The following ABCC1 variants were observed in gnomAD, a reference collection of about 807,000 sequenced individuals.
The protein encoded by ABCC1 is ATP binding cassette subfamily C member 1 (ABCC1 blood group).
In ABCC1, 83 loss-of-function variants were observed where a neutral mutation model predicts 172.9. That is an observed-to-expected ratio of 0.48 (90% confidence interval 0.40 to 0.58). The LOEUF is 0.58. Ranked by LOEUF, ABCC1 falls within the 20% of genes least tolerant of loss-of-function variation. The pLI is 0.00. For synonymous variants in ABCC1, 937 were observed against 825.2 expected (o/e 1.14, Z -2.32); for missense variants, 1,817 against 2,002.7 (o/e 0.91, Z 1.77).
chr16:15,982,824 AG>A (rs1555475022), intron 1 of ABCC1, among the ~76,000 whole-genome samples: 1 of 144,834 alleles, frequency 6.9e-6, no homozygotes, highest in African/African-American at 2.6e-5. Context: ...AAAAAAAAAA[AG>A]GAAATCCATT....
chr16:16,061,812 C>T (rs548181872), intron 12 of ABCC1, among the ~76,000 whole-genome samples: 52 of 145,158 alleles, frequency 3.6e-4, no homozygotes, highest in Middle Eastern at 3.6e-3. Context: ...CTCACACTGC[C>T]GCCCAAGCTG....
intron 1 of ABCC1, among the ~76,000 whole-genome samples, chr16:15,959,221 C>G (rs2046073079): frequency 6.6e-6 from 1 of 152,188 alleles, no homozygotes; most frequent in Non-Finnish European, 1.5e-5. Context: ...GCGGCAGTTT[C>G]TTTTTTACTG....
intron 10 of ABCC1, among the ~76,000 whole-genome samples, chr16:16,050,139 A>G (rs1250586396): frequency 6.6e-6 from 1 of 152,202 alleles, no homozygotes; most frequent in Non-Finnish European, 1.5e-5. Flanking sequence ...GGCCTGATGC[A>G]TAATGGGCAC....
At position 16,052,709 on chromosome 16, in the gene ABCC1, C is replaced by A; in HGVS notation, c.1381-15C>A. ...CTGTCTGGTGAGTGATGAAGAGTCT[C>A]CTTTCCTTCCTTAGAATCTGGGCCC... On this transcript the variant is annotated splice_polypyrimidine_tract_variant and intron_variant, in intron 10 of 30. Coordinates refer to ENST00000399410, the MANE Select transcript of ABCC1 (RefSeq NM_004996.4). 2 of 1,613,518 alleles carry A rather than the reference C, an allele frequency of 1.2e-6. No homozygotes were observed. The highest frequency in any genetic ancestry group is 1.7e-6 in the Non-Finnish European group (2 of 1,179,486).
chr16:15,984,654 T>A (rs1442293500), intron 1 of ABCC1, among the ~76,000 whole-genome samples: 2 of 152,024 alleles, frequency 1.3e-5, no homozygotes, highest in Non-Finnish European at 2.9e-5. Context: ...CCACGTTGGC[T>A]GGGCTGGTCT....
chr16:16,080,552 C>G (rs2050767005), intron 16 of ABCC1, among the ~76,000 whole-genome samples: 2 of 152,172 alleles, frequency 1.3e-5, no homozygotes, highest in South Asian at 4.1e-4. Flanking sequence ...CGACACGTCC[C>G]TGGAAGTTTT....
rs903091491 is a variant in ABCC1 at position 16,106,789 on chromosome 16, C to T, written c.2787C>T (p.Asn929=). Residue 929 remains asparagine, a synonymous_variant, in exon 21 of 31, where the codon AAC becomes AAT. Coordinates refer to ENST00000399410, the MANE Select transcript of ABCC1 (RefSeq NM_004996.4). ...GTGGGGACATCAGCAGGCACCACAA[C>T]AGCACCGCAGAACTGCAGAAAGCTG... is the stretch of plus-strand genomic sequence containing the variant. ...SYSGDISRHH[N]STAELQKAEA... is the part of the protein sequence containing the mutation. 1.2e-6 allele frequency: 2 copies of T among 1,614,120 alleles called. No homozygotes were observed. Among genetic ancestry groups the T allele is most frequent in the Non-Finnish European group, 1.7e-6 (2 of 1,180,034 alleles).
intron 19 of ABCC1, chr16:16,097,950 T>A (rs928261024): frequency 6.6e-6 from 1 of 152,304 alleles, no homozygotes; most frequent in Non-Finnish European, 1.5e-5. Context: ...CACAGTCTGA[T>A]GGGAGAGACA....
At chr16:16,110,717 C>T (rs1325706788) in intron 21 of ABCC1, among the ~76,000 whole-genome samples, 1 of 152,110 alleles carries the variant, frequency 6.6e-6, no homozygotes. Flanking sequence ...GTCACTTCCT[C>T]GAAGAAAACC....
intron 16 of ABCC1, among the ~76,000 whole-genome samples, chr16:16,081,631 T>G (rs1417431577): frequency 6.6e-6 from 1 of 152,196 alleles, no homozygotes; most frequent in Non-Finnish European, 1.5e-5. Flanking sequence ...AGTTAGGATA[T>G]TCAAGTCAGC....
chr16:16,001,206 A>AT (rs1009196594), intron 1 of ABCC1, among the ~76,000 whole-genome samples: 26 of 151,170 alleles, frequency 1.7e-4, no homozygotes, highest in Admixed American at 1.3e-3. Context: ...AGGGTTGGTT[A>AT]TTTTTTTTTA....
intron 30 of ABCC1, among the ~76,000 whole-genome samples, chr16:16,140,372 A>G (rs2046081587): frequency 6.6e-6 from 1 of 152,140 alleles, no homozygotes; most frequent in South Asian, 2.1e-4. Flanking sequence ...TTTTTGAGAC[A>G]GGGTCTCACC....
At chr16:16,058,337 C>T (rs951121325) in intron 12 of ABCC1, among the ~76,000 whole-genome samples, 8 of 151,666 alleles carry the variant, frequency 5.3e-5, no homozygotes, top group African/African-American at 1.9e-4. Flanking sequence ...TAATGTTGTG[C>T]TCATTACAAC....
In ABCC1 at chr16:15,976,912, G is replaced by A. The variant is rs180880394; in HGVS notation, c.48+27113G>A. On this transcript the variant is annotated intron_variant, in intron 1 of 30. Coordinates refer to ENST00000399410, the MANE Select transcript of ABCC1 (RefSeq NM_004996.4). ...CCTGGAAGTAGTAGGACAGGGACTC[G>A]AGCCCAGATCTGCTGCCCCAGAGCC... is the stretch of plus-strand genomic sequence containing the variant. Among the ~76,000 whole-genome samples, 105 of 152,290 alleles carry A rather than the reference G, an allele frequency of 6.9e-4. 2 individuals carry two copies. Among genetic ancestry groups the A allele is most frequent in the Admixed American group, 6.6e-3 (101 of 15,294 alleles).
chr16:16,047,978 G>A lies in ABCC1; in HGVS notation c.1219-164G>A, dbSNP rs143809040. Among the ~76,000 whole-genome samples, 647 of 152,326 alleles carry A rather than the reference G, an allele frequency of 4.2e-3. 2 individuals carry two copies. The highest frequency in any genetic ancestry group is 6.7e-3 in the Non-Finnish European group (456 of 68,032). ...CCGCGGATAAGAATGTGGGCTTTGA[G>A]ATGACACAGGCGTCCTGGGCAGACA... On this transcript the variant is annotated intron_variant, in intron 9 of 30. Coordinates refer to ENST00000399410, the MANE Select transcript of ABCC1 (RefSeq NM_004996.4).
chr16:16,028,261 G>A (rs1186004514), intron 5 of ABCC1, among the ~76,000 whole-genome samples: 1 of 152,080 alleles, frequency 6.6e-6, no homozygotes, highest in Admixed American at 6.6e-5. Flanking sequence ...AATTCTGATT[G>A]TAATTATATA....
In ABCC1 at chr16:16,079,378, C is replaced by T. The variant is rs1448295521; in HGVS notation, c.2015C>T (p.Ala672Val). Residue 672 changes from alanine to valine, a missense_variant, in exon 16 of 31, where the codon GCT becomes GTT. Physicochemically the swap from Ala to Val is moderately conservative, Grantham distance 64. Transcript: ENST00000399410. ...ATCACCTTCTCCATCCCCGAAGGTG[C>T]TTTGGTGGCCGTGGTGGGCCAGGTG... ...NGITFSIPEG[A>V]LVAVVGQVGC... 5.6e-6 allele frequency: 9 copies of T among 1,613,864 alleles called. No individual in the cohort carries two copies. The highest frequency in any genetic ancestry group is 7.6e-6 in the Non-Finnish European group (9 of 1,179,912).
intron 11 of ABCC1, 54 bp from the exon 12 acceptor site, chr16:16,056,038 G>C: frequency 6.7e-7 from 1 of 1,497,892 alleles, no homozygotes; most frequent in Non-Finnish European, 9.3e-7. Context: ...GATGTTGAGT[G>C]ATGGGCTGAT....
chr16:15,988,839 G>A (rs988730554), intron 1 of ABCC1, among the ~76,000 whole-genome samples: 2 of 151,978 alleles, frequency 1.3e-5, no homozygotes, highest in African/African-American at 2.4e-5. Flanking sequence ...GCCCTGGGTG[G>A]GAGGATCATT....
Sources: gnomAD v4.1 joint callset for allele counts (sites outside exome capture counted in the v4.1 genomes callset) on GRCh38, gnomAD v4.1.1 for gene constraint, MANE v1.5 for transcripts, NCBI Gene and HGNC (gene_info 2026-07-23, HGNC 2026-07-21) for gene names.